PLOD1: variants seen among roughly 807,000 people sequenced by gnomAD.
The protein encoded by PLOD1 is procollagen-lysine,2-oxoglutarate 5-dioxygenase 1.
Under a neutral mutation model 94.7 loss-of-function variants are expected in PLOD1, and 70 were observed. The ratio of observed to expected loss-of-function variants is 0.74; its 90% CI spans 0.61 to 0.90. The LOEUF (loss-of-function observed/expected upper bound fraction) is 0.90. PLOD1 is among the 40% of genes least tolerant of loss of function. The pLI is 0.00. For missense variants in PLOD1, 905 were observed against 972.7 expected, an observed-to-expected ratio of 0.93 and a Z score of 0.93; for synonymous variants, 417 against 400.2, an observed-to-expected ratio of 1.04 and a Z score of -0.50.
chr1:11,968,335 C>T (rs1369619360), intron 16 of PLOD1, among the ~76,000 whole-genome samples: 1 of 151,920 alleles, frequency 6.6e-6, no homozygotes, highest in Admixed American at 6.6e-5. Context: ...GATAAAAGAG[C>T]ACAATCTTGA....
At chr1:11,934,923 C>G in intron 1 of PLOD1, 68 bp downstream of exon 1, 1 of 1,501,930 alleles carries the variant, frequency 6.7e-7, no homozygotes, top group South Asian at 1.3e-5. Context: ...GGCTGCCTCC[C>G]TGGGAACGAC....
intron 14 of PLOD1, among the ~76,000 whole-genome samples, 193 bp from the exon 15 acceptor site, chr1:11,966,058 T>A (rs1409576764): frequency 6.6e-6 from 1 of 152,002 alleles, no homozygotes; most frequent in East Asian, 1.9e-4. Flanking sequence ...CACATGTACA[T>A]ACATGTGCAA....
chr1:11,963,586 C>T lies in PLOD1; in HGVS notation c.1152C>T (p.Asp384=), dbSNP rs771685198. The T allele has an allele frequency of 2.7e-5, 44 of 1,604,558 alleles. No individual in the cohort carries two copies. Among genetic ancestry groups the T allele is most frequent in the Admixed American group, 1.0e-4 (6 of 58,290 alleles). The stretch of plus-strand genomic sequence containing the variant: ...CCTACTACTTCAGCGTGGATGCTGA[C>T]GTGGCCCTGACCGAGCCCAACAGCC... ...SCTYYFSVDA[D]VALTEPNSLR... The change falls in exon 11 of 19, where the codon GAC becomes GAT. Residue 384 remains aspartate, a synonymous_variant. Transcript: ENST00000196061. This position sits in a 1 kb window ranked among gnomAD's most constrained non-coding sequence, Gnocchi z 4.3.
Position 11,950,352 on chromosome 1 carries a change from C to G in PLOD1, c.303-5C>G. 6.2e-7 allele frequency: 1 copy of G among 1,614,026 alleles called. No homozygotes were observed. The highest frequency in any genetic ancestry group is 1.3e-5 in the African/African-American group (1 of 75,058). Reference sequence around the variant, plus strand: ...TGCTCCGTCTTCTCGCTGCTCTGGCCACAGCTATGACGTGCTGTTTGCATC... The same window carrying G: ...TGCTCCGTCTTCTCGCTGCTCTGGCGACAGCTATGACGTGCTGTTTGCATC... On this transcript the variant is annotated splice_polypyrimidine_tract_variant and splice_region_variant and intron_variant, in intron 3 of 18. Coordinates refer to ENST00000196061, the MANE Select transcript of PLOD1 (RefSeq NM_000302.4).
At chr1:11,960,953 C>G (rs1193473278) in intron 10 of PLOD1, among the ~76,000 whole-genome samples, 186 bp downstream of exon 10, 3 of 152,068 alleles carry the variant, frequency 2.0e-5, no homozygotes, top group African/African-American at 7.2e-5. Flanking sequence ...CCTGCCAACC[C>G]CCGGGGCTCC....
At chr1:11,949,930 C>T in intron 3 of PLOD1, 24 bp downstream of exon 3, 2 of 1,611,636 alleles carry the variant, frequency 1.2e-6, no homozygotes, top group Non-Finnish European at 1.7e-6. Flanking sequence ...GGCTTCCTAG[C>T]CTGGGCCCCT....
At chr1:11,967,616 A>ATATATATATAT (rs35226154) in intron 16 of PLOD1, among the ~76,000 whole-genome samples, 1,448 of 74,978 alleles carry the variant, frequency 0.019, 195 homozygotes, top group Non-Finnish European at 0.027. Flanking sequence ...TATATATATA[A>ATATATATATAT]AAAGAAATAT....
rs1475593778 is a variant in PLOD1, at chr1:11,960,240, G to A, written c.976-406G>A. 2.0e-5 allele frequency among the ~76,000 whole-genome samples: 3 copies of A among 152,220 alleles called. 1 individual carries two copies. In the South Asian group the frequency reaches 6.2e-4, roughly 31 times the overall value. On this transcript the variant is annotated intron_variant, in intron 9 of 18. Transcript: ENST00000196061. Reference sequence around the variant, plus strand: ...CCGCCTCGGCCTCCCAAAGTGCTGCGAATACAGGCGTGAGCCACTGTGCCT... The same window carrying A: ...CCGCCTCGGCCTCCCAAAGTGCTGCAAATACAGGCGTGAGCCACTGTGCCT...
In PLOD1 at chr1:11,957,321, C is replaced by T. The variant is rs1001216501; in HGVS notation, c.741+307C>T. The T allele has an allele frequency of 1.8e-6, 1 of 558,498 alleles. No individual in the cohort carries two copies. The highest frequency in any genetic ancestry group is 1.9e-5 in the African/African-American group (1 of 53,896). 34.6% of individuals were successfully genotyped at this position (558,498 alleles called of 1,614,324 possible). A position where few individuals can be genotyped will look rare whatever the true frequency, so the allele number is the denominator to read the frequency against. ...CCCAGGGCAGAGTCACTTATTCACT[C>T]AGTAAACCTTTATTTCATGTTTGCA... is the stretch of plus-strand genomic sequence containing the variant. On this transcript the variant is annotated intron_variant, in intron 7 of 18. Transcript: ENST00000196061. This position sits in a 1 kb window ranked among gnomAD's most constrained non-coding sequence, Gnocchi z 4.1.
chr1:11,960,592 G>A (rs1645770822), intron 9 of PLOD1, 54 bp from the exon 10 acceptor site: 8 of 1,295,378 alleles, frequency 6.2e-6, no homozygotes, highest in Non-Finnish European at 7.8e-6. Context: ...TCCCTGGGTG[G>A]AAGCTGTGTC....
chr1:11,962,216 C>T (rs1645782635), intron 10 of PLOD1, among the ~76,000 whole-genome samples: 1 of 151,898 alleles, frequency 6.6e-6, no homozygotes, highest in African/African-American at 2.4e-5. Context: ...AGGCATGAGC[C>T]ACTGCACCTG....
In PLOD1 at chr1:11,972,995, G is replaced by C; in HGVS notation, c.2026G>C (p.Glu676Gln). ...CCTGAACCGAGTCGGGGTGGATTACGAGGTGAGCAGGAGCCAGCCGGGGTC... is the reference window on the plus strand; with the variant it reads ...CCTGAACCGAGTCGGGGTGGATTACCAGGTGAGCAGGAGCCAGCCGGGGTC... ...IALNRVGVDY[E>Q]GGGCRFLRYN... is the part of the protein sequence containing the mutation. The change falls in exon 18 of 19, where the codon GAG becomes CAG. Residue 676 changes from glutamate to glutamine, a missense_variant and splice_region_variant. By Grantham distance (29) the Glu-to-Gln change is conservative (BLOSUM62 2). Transcript: ENST00000196061. The surrounding 1 kb of genome is among the most constrained non-coding windows in gnomAD (Gnocchi z 4.6). 6.2e-7 allele frequency: 1 copy of C among 1,613,952 alleles called. No individual in the cohort carries two copies. The highest frequency in any genetic ancestry group is 1.1e-5 in the South Asian group (1 of 91,078).
chr1:11,973,070 G>A, intron 18 of PLOD1, 73 bp downstream of exon 18: 1 of 1,585,044 alleles, frequency 6.3e-7, no homozygotes, highest in Admixed American at 1.7e-5. Context: ...GAGGCTTCAG[G>A]GTGGTTGAGG....
chr1:11,950,020 T>G (rs1645688125), intron 3 of PLOD1, 114 bp downstream of exon 3: 12 of 1,164,404 alleles, frequency 1.0e-5, no homozygotes, highest in Non-Finnish European at 1.5e-5. Context: ...TAGCTAAGGT[T>G]GCCTAGTTTT....
At chr1:11,954,120 C>T (rs961088196) in intron 5 of PLOD1, among the ~76,000 whole-genome samples, 1 of 150,558 alleles carries the variant, frequency 6.6e-6, no homozygotes, top group African/African-American at 2.4e-5. Context: ...TCTGCCTCAG[C>T]CTCCCAAAGT....
At chr1:11,974,261 C>G (rs1645886566) in intron 18 of PLOD1, among the ~76,000 whole-genome samples, 1 of 151,710 alleles carries the variant, frequency 6.6e-6, no homozygotes, top group African/African-American at 2.4e-5. Flanking sequence ...GTGGCGCGAT[C>G]TCGGCTCACT....
chr1:11,959,191 G>A (rs1171442865), intron 9 of PLOD1, among the ~76,000 whole-genome samples: 1 of 151,440 alleles, frequency 6.6e-6, no homozygotes, highest in Non-Finnish European at 1.5e-5. Context: ...GACAACAAGA[G>A]CAAAACTCCG....
intron 1 of PLOD1, among the ~76,000 whole-genome samples, chr1:11,936,323 C>T (rs1241969010): frequency 6.6e-6 from 1 of 151,732 alleles, no homozygotes; most frequent in Non-Finnish European, 1.5e-5. Context: ...CCCAGCCCTC[C>T]CTGGCATGGG....
At chr1:11,967,966 T>C (rs1220000230) in intron 16 of PLOD1, among the ~76,000 whole-genome samples, 1 of 151,500 alleles carries the variant, frequency 6.6e-6, no homozygotes, top group Admixed American at 6.6e-5. Flanking sequence ...TTTTTTTTTT[T>C]TTTTTAAGGC....
Sources: gnomAD v4.1 joint callset for allele counts (sites outside exome capture counted in the v4.1 genomes callset) on GRCh38, gnomAD v4.1.1 for gene constraint, Gnocchi (gnomAD v3.1) non-coding constraint, MANE v1.5 for transcripts, NCBI Gene and HGNC (gene_info 2026-07-23, HGNC 2026-07-21) for gene names.